Variants in CSNK1G3 observed in about 807,000 individuals in gnomAD.
CSNK1G3 encodes casein kinase I isoform gamma-3.
In CSNK1G3, 23 loss-of-function variants were observed where a neutral mutation model predicts 64.3. That is an observed-to-expected ratio of 0.36 (90% confidence interval 0.26 to 0.51). The LOEUF is 0.51. CSNK1G3 is among the 20% of genes least tolerant of loss of function. The pLI, the probability that CSNK1G3 is intolerant of heterozygous loss-of-function variation, is 0.96. For synonymous variants in CSNK1G3, 158 were observed against 162.2 expected (o/e 0.97, Z 0.20); for missense variants, 357 against 510.5 (o/e 0.70, Z 2.90).
At chr5:123,608,784 G>C (rs971647394) in intron 12 of CSNK1G3, among the ~76,000 whole-genome samples, 1 of 152,156 alleles carries the variant, frequency 6.6e-6, no homozygotes, top group Non-Finnish European at 1.5e-5. Context: ...TTGGTCTGTG[G>C]TGGGGCCTGG....
At chr5:123,558,950 T>G (rs555458403) in intron 4 of CSNK1G3, among the ~76,000 whole-genome samples, 2 of 152,184 alleles carry the variant, frequency 1.3e-5, no homozygotes, top group Admixed American at 6.5e-5. Flanking sequence ...CTCTATGATA[T>G]GCCTTATGAG....
intron 2 of CSNK1G3, 94 bp downstream of exon 2, chr5:123,545,935 G>A: frequency 1.9e-6 from 2 of 1,040,538 alleles, no homozygotes; most frequent in Non-Finnish European, 2.9e-6. Flanking sequence ...TAATTGTTTA[G>A]TTGTTTAATG....
At chr5:123,550,132 T>C (rs1030608806) in intron 2 of CSNK1G3, among the ~76,000 whole-genome samples, 3 of 152,190 alleles carry the variant, frequency 2.0e-5, no homozygotes, top group Non-Finnish European at 4.4e-5. Context: ...ACCTGAAAAA[T>C]GTAATAACTA....
At chr5:123,604,878 T>C (rs1561621623) in intron 11 of CSNK1G3, 48 bp downstream of exon 12, 1 of 1,375,872 alleles carries the variant, frequency 7.3e-7, no homozygotes. Context: ...TCTTAAATTA[T>C]GCATGCTTGA....
chr5:123,605,299 T>C (rs1468874327), intron 11 of CSNK1G3, 40 bp from the exon 13 acceptor site: 1 of 1,547,124 alleles, frequency 6.5e-7, no homozygotes, highest in East Asian at 2.3e-5. Context: ...TCTCTCTCTC[T>C]TTTTTTTCCT....
chr5:123,520,714 A>T (rs550951531), intron 1 of CSNK1G3, among the ~76,000 whole-genome samples: 28 of 152,140 alleles, frequency 1.8e-4, no homozygotes, highest in Non-Finnish European at 1.5e-5. Flanking sequence ...TACATTATAA[A>T]ATTAGTGGAC....
chr5:123,588,319 C>T lies in CSNK1G3; in HGVS notation c.760-108C>T. The T allele has an allele frequency of 6.4e-6, 7 of 1,093,522 alleles. No homozygotes were observed. The South Asian group carries it at 9.2e-5, about 14-fold the overall frequency. The allele number at this position is 1,093,522 out of a possible 1,614,324, so 67.7% of individuals were successfully genotyped here. Reference sequence around the variant, plus strand: ...CTCAAACTCCTGGGCTCAAGCATTCCTTCTGCCTTGGCCTTCCAAAGCTCT... The same window carrying T: ...CTCAAACTCCTGGGCTCAAGCATTCTTTCTGCCTTGGCCTTCCAAAGCTCT... On this transcript the variant is annotated intron_variant, in intron 7 of 12. Transcript: ENST00000345990.
At chr5:123,583,008 T>G (rs185407218) in intron 6 of CSNK1G3, among the ~76,000 whole-genome samples, 1 of 152,324 alleles carries the variant, frequency 6.6e-6, no homozygotes, top group Non-Finnish European at 1.5e-5. Flanking sequence ...TTGAAATGCT[T>G]TGTGGGTTAT....
intron 12 of CSNK1G3, among the ~76,000 whole-genome samples, chr5:123,610,941 C>T (rs146206513): frequency 1.2e-3 from 179 of 152,316 alleles, no homozygotes; most frequent in African/African-American, 4.1e-3. Context: ...TAACTGTGAG[C>T]AGTCCTTTAT....
intron 10 of CSNK1G3, among the ~76,000 whole-genome samples, chr5:123,591,672 A>T (rs117268294): frequency 6.6e-6 from 1 of 152,222 alleles, no homozygotes; most frequent in East Asian, 1.9e-4. Flanking sequence ...TGGATACCCT[A>T]TTAGAATGAA....
chr5:123,609,386 A>G (rs986549815), intron 12 of CSNK1G3, among the ~76,000 whole-genome samples: 3 of 152,176 alleles, frequency 2.0e-5, no homozygotes, highest in Non-Finnish European at 2.9e-5. Flanking sequence ...TAGATGGATA[A>G]TTTCTATTTT....
intron 1 of CSNK1G3, among the ~76,000 whole-genome samples, chr5:123,530,787 T>TA (rs1225885542): frequency 6.6e-6 from 1 of 152,192 alleles, no homozygotes; most frequent in Non-Finnish European, 1.5e-5. Flanking sequence ...CTTTCTGGGA[T>TA]AAAAAAAGTT....
chr5:123,585,129 T>G (rs1791067900), intron 6 of CSNK1G3, among the ~76,000 whole-genome samples: 3 of 152,184 alleles, frequency 2.0e-5, no homozygotes, highest in Non-Finnish European at 2.9e-5. Context: ...ACAGATAAGT[T>G]GGTCAGAATA....
chr5:123,616,784 CA>C (rs1749528020), exon 13 of CSNK1G3: 1 of 152,226 alleles, frequency 6.6e-6, no homozygotes, highest in African/African-American at 2.4e-5. Flanking sequence ...TGCTCTTTCC[CA>C]TTTCCTCTAA....
chr5:123,517,693 C>G (rs1777411756), intron 1 of CSNK1G3, among the ~76,000 whole-genome samples: 1 of 152,070 alleles, frequency 6.6e-6, no homozygotes, highest in African/African-American at 2.4e-5. Context: ...CTTCGATAGA[C>G]CCACACTGGA....
chr5:123,605,440 T>C lies in CSNK1G3; in HGVS notation c.1217+78T>C, dbSNP rs375941454. The C allele has an allele frequency of 5.7e-5, 85 of 1,481,638 alleles. No homozygotes were observed. The African/African-American group carries it at 1.1e-3, about 20-fold the overall frequency. 91.8% of individuals were successfully genotyped at this position (1,481,638 alleles called of 1,614,324 possible). A position where few individuals can be genotyped will look rare whatever the true frequency, so the allele number is the denominator to read the frequency against. On this transcript the variant is annotated intron_variant, in intron 12 of 12. Transcript: ENST00000345990. ...AGATTTAGCATCATTTTGTGTCTTT[T>C]GAAAACAAAACTCTCAACACAGTGA...
chr5:123,524,144 A>T (rs1778631356), intron 1 of CSNK1G3, among the ~76,000 whole-genome samples: 1 of 152,192 alleles, frequency 6.6e-6, no homozygotes, highest in African/African-American at 2.4e-5. Context: ...TTTCTTGTAA[A>T]TATATAAATG....
intron 10 of CSNK1G3, among the ~76,000 whole-genome samples, chr5:123,604,461 G>C (rs1314979014): frequency 5.3e-5 from 8 of 151,942 alleles, no homozygotes; most frequent in Admixed American, 5.3e-4. Context: ...GAGGGAAGGA[G>C]ACAGAAGACA....
rs1233877954 is a variant in CSNK1G3, at chr5:123,614,451, T to C, written c.*55T>C. On this transcript the variant is annotated 3_prime_UTR_variant, in exon 13 of 13. Transcript: ENST00000345990. ...ACTTACATGTTCATCTGCTGTCTTGTGATTAAAATCATCTCTGTAGTGACC... is the reference window on the plus strand; with the variant it reads ...ACTTACATGTTCATCTGCTGTCTTGCGATTAAAATCATCTCTGTAGTGACC... 2.0e-6 allele frequency: 3 copies of C among 1,532,070 alleles called. No individual in the cohort carries two copies. The African/African-American group carries it at 4.2e-5, about 21-fold the overall frequency. The allele number at this position is 1,532,070 out of a possible 1,614,324, so 94.9% of individuals were successfully genotyped here.
Sources: gnomAD v4.1 joint callset for allele counts (sites outside exome capture counted in the v4.1 genomes callset) on GRCh38, gnomAD v4.1.1 for gene constraint, MANE v1.5 for transcripts, NCBI Gene and HGNC (gene_info 2026-07-23, HGNC 2026-07-21) for gene names.